PARD6G: variants seen among roughly 807,000 people sequenced by gnomAD.
The protein encoded by PARD6G is par-6 family cell polarity regulator gamma.
Under a neutral mutation model 10.7 loss-of-function variants are expected in PARD6G, and 7 were observed. That is an observed-to-expected ratio of 0.66 (90% CI 0.37 to 1.23). The LOEUF (loss-of-function observed/expected upper bound fraction) is 1.23. Among genes scored for constraint, PARD6G ranks in the 50% most tolerant of loss-of-function variants. The pLI, the probability that PARD6G is intolerant of heterozygous loss-of-function variation, is 0.02. For missense variants in PARD6G, 548 were observed against 571.8 expected, an observed-to-expected ratio of 0.96 and a Z score of 0.42; for synonymous variants, 287 against 269.4, an observed-to-expected ratio of 1.07 and a Z score of -0.64.
chr18:80,177,327 AGC>A (rs1422313949), intron 2 of PARD6G, among the ~76,000 whole-genome samples: 14 of 146,392 alleles, frequency 9.6e-5, no homozygotes, highest in African/African-American at 3.0e-4. Flanking sequence ...CCAAATGGGA[AGC>A]GCACACACAC....
At chr18:80,216,372 C>G (rs1319237685) in intron 1 of PARD6G, among the ~76,000 whole-genome samples, 2 of 152,126 alleles carry the variant, frequency 1.3e-5, no homozygotes, top group African/African-American at 2.4e-5. Flanking sequence ...TACTTAGGCC[C>G]TAAAACAAGT....
Position 80,182,973 on chromosome 18 carries a change from T to A in PARD6G, c.295+19737A>T. On this transcript the variant is annotated intron_variant, in intron 2 of 2. Coordinates refer to ENST00000353265, the MANE Select transcript of PARD6G (RefSeq NM_032510.4). This position sits in a 1 kb window ranked among gnomAD's most constrained non-coding sequence, Gnocchi z 4.5. ...CGCAGCCAGACGCCCCTCCCAGTCC[T>A]CCTTCGTCCTGACGTGGCTCCCAGT... 1.6e-6 allele frequency: 1 copy of A among 632,502 alleles called. No homozygotes were observed. The highest frequency in any genetic ancestry group is 1.8e-5 in the South Asian group (1 of 55,418). The allele number at this position is 632,502 out of a possible 1,614,324, so 39.2% of individuals were successfully genotyped here.
At position 80,161,436 on chromosome 18, in the gene PARD6G, A is replaced by G. The variant is rs571261966; in HGVS notation, c.296-830T>C. On this transcript the variant is annotated intron_variant, in intron 2 of 2. Coordinates refer to ENST00000353265, the MANE Select transcript of PARD6G (RefSeq NM_032510.4). The surrounding 1 kb of genome is among the most constrained non-coding windows in gnomAD (Gnocchi z 4.6). ...GTAAACTTTACCCTAAAGTTGGGCT[A>G]CTGCAAAATAAAATGAAAGTCCACT... 2.6e-5 allele frequency among the ~76,000 whole-genome samples: 4 copies of G among 152,246 alleles called. No individual in the cohort carries two copies. The highest frequency in any genetic ancestry group is 2.1e-4 in the South Asian group (1 of 4,826).
intron 2 of PARD6G, chr18:80,162,562 A>G (rs2052707663): frequency 5.9e-6 from 1 of 169,256 alleles, no homozygotes; most frequent in Admixed American, 6.5e-5. Flanking sequence ...TCTGCACCTC[A>G]TAGACACTGC....
At chr18:80,234,187 G>A (rs1452268710) in intron 1 of PARD6G, among the ~76,000 whole-genome samples, 3 of 152,116 alleles carry the variant, frequency 2.0e-5, no homozygotes, top group African/African-American at 4.8e-5. Flanking sequence ...CCAGCACAGC[G>A]ATGTCCTGGA....
rs543980983 is a variant in PARD6G at position 80,200,381 on chromosome 18, A to G, written c.295+2329T>C. On this transcript the variant is annotated intron_variant, in intron 2 of 2. Coordinates refer to ENST00000353265, the MANE Select transcript of PARD6G (RefSeq NM_032510.4). This position sits in a 1 kb window ranked among gnomAD's most constrained non-coding sequence, Gnocchi z 4.4. ...AGCGAGAGGCAGCTCTGATTTTCCC[A>G]AAGACAGGACCGAGGGGCCAGTGAA... is the stretch of plus-strand genomic sequence containing the variant. 6.6e-6 allele frequency among the ~76,000 whole-genome samples: 1 copy of G among 152,306 alleles called. No individual in the cohort carries two copies. Among genetic ancestry groups the G allele is most frequent in the Non-Finnish European group, 1.5e-5 (1 of 68,030 alleles).
chr18:80,240,813 G>A (rs1210065149), intron 1 of PARD6G, among the ~76,000 whole-genome samples: 1 of 152,144 alleles, frequency 6.6e-6, no homozygotes, highest in East Asian at 1.9e-4. Flanking sequence ...TGGATCTGGT[G>A]ATAGCTTGAT....
chr18:80,213,968 A>G (rs1967134066), intron 1 of PARD6G, among the ~76,000 whole-genome samples: 1 of 145,482 alleles, frequency 6.9e-6, no homozygotes, highest in African/African-American at 2.6e-5. Context: ...AAAAAAGTTC[A>G]GTTTTGAGCA....
Position 80,208,883 on chromosome 18 carries a change from A to G in PARD6G, c.73-5951T>C, listed in dbSNP as rs186069493. Among the ~76,000 whole-genome samples the G allele has an allele frequency of 2.2e-4, 34 of 152,258 alleles. 1 individual carries two copies. The East Asian group carries it at 6.4e-3, about 29-fold the overall frequency. ...TGTAATCTCAGCACTTTGGGAGGCCAAGGGAGAGTCCGAGACCAGTCTGGC... is the reference window on the plus strand; with the variant it reads ...TGTAATCTCAGCACTTTGGGAGGCCGAGGGAGAGTCCGAGACCAGTCTGGC... On this transcript the variant is annotated intron_variant, in intron 1 of 2. Coordinates refer to ENST00000353265, the MANE Select transcript of PARD6G (RefSeq NM_032510.4).
At position 80,158,207 on chromosome 18, in the gene PARD6G, T is replaced by A. The variant is rs950275817; in HGVS notation, c.*1564A>T. ...TCACTAAGTTCCACGTGACTTCTTA[T>A]AGTTAAAAGTGAGAACTGCCAGTGA... On this transcript the variant is annotated 3_prime_UTR_variant, in exon 3 of 3. Transcript: ENST00000353265. 4 of 152,242 alleles carry A rather than the reference T, an allele frequency of 2.6e-5. No homozygotes were observed. Among genetic ancestry groups the A allele is most frequent in the Non-Finnish European group, 5.9e-5 (4 of 68,040 alleles). The allele number at this position is 152,242 out of a possible 1,614,324, so 9.4% of individuals were successfully genotyped here. A position where few individuals can be genotyped will look rare whatever the true frequency, so the allele number is the denominator to read the frequency against.
intron 2 of PARD6G, among the ~76,000 whole-genome samples, chr18:80,177,333 CACACACACAT>C (rs1399670023): frequency 6.1e-5 from 9 of 147,942 alleles, no homozygotes; most frequent in East Asian, 2.0e-4. Flanking sequence ...GGGAAGCGCA[CACACACACAT>C]ACACACACAT....
chr18:80,211,015 T>C (rs1035811645), intron 1 of PARD6G, among the ~76,000 whole-genome samples: 2 of 152,098 alleles, frequency 1.3e-5, no homozygotes, highest in African/African-American at 4.8e-5. Flanking sequence ...AACTAGTTGA[T>C]TGAGTTTCTT....
rs1364006838 is a variant in PARD6G, at chr18:80,189,405, C to T, written c.295+13305G>A. 7 of 152,310 alleles carry T rather than the reference C, an allele frequency of 4.6e-5. No individual in the cohort carries two copies. Among genetic ancestry groups the T allele is most frequent in the Non-Finnish European group, 8.8e-5 (6 of 68,088 alleles). The allele number at this position is 152,310 out of a possible 1,614,324, so 9.4% of individuals were successfully genotyped here. A position where few individuals can be genotyped will look rare whatever the true frequency, so the allele number is the denominator to read the frequency against. The stretch of plus-strand genomic sequence containing the variant: ...CCACCGCAGCTGTGGGACCGTATCT[C>T]TGGATGATAAGCTGAGTCCAACACA... On this transcript the variant is annotated intron_variant, in intron 2 of 2. Coordinates refer to ENST00000353265, the MANE Select transcript of PARD6G (RefSeq NM_032510.4). This position sits in a 1 kb window ranked among gnomAD's most constrained non-coding sequence, Gnocchi z 5.5.
In PARD6G at chr18:80,189,962, AACC is replaced by A. The variant is rs1004434630; in HGVS notation, c.295+12745_295+12747del. 1.8e-4 allele frequency among the ~76,000 whole-genome samples: 27 copies of A among 152,128 alleles called. No individual in the cohort carries two copies. The highest frequency in any genetic ancestry group is 6.5e-4 in the African/African-American group (27 of 41,418). On this transcript the variant is annotated intron_variant, in intron 2 of 2. Transcript: ENST00000353265. This position sits in a 1 kb window ranked among gnomAD's most constrained non-coding sequence, Gnocchi z 5.5. ...TTTTTTAGTATATTCAGTGTTGTGTAACCACCACCACCACCTAATTCTGGAACA... is the reference window on the plus strand; with the variant it reads ...TTTTTTAGTATATTCAGTGTTGTGTAACCACCACCACCTAATTCTGGAACA...
In PARD6G at chr18:80,160,248, C is replaced by T. The variant is rs756436012; in HGVS notation, c.654G>A (p.Glu218=). Residue 218 remains glutamate, a synonymous_variant, in exon 3 of 3, where the codon GAG becomes GAA. Transcript: ENST00000353265. ...GLLAVNDEVL[E]VNGIEVAGKT... ...TCCCGGCCACCTCAATGCCGTTCAC[C>T]TCCAGGACCTCGTCATTCACAGCCA... The T allele has an allele frequency of 5.6e-6, 9 of 1,613,092 alleles. No individual in the cohort carries two copies. Among genetic ancestry groups the T allele is most frequent in the Non-Finnish European group, 7.6e-6 (9 of 1,179,886 alleles).
In PARD6G at chr18:80,228,766, C is replaced by T. The variant is rs1402295885; in HGVS notation, c.72+18511G>A. ...CCTGCCTCCCATCTAAGGCCCCCACCCCAGGCCTACAGGTGAGAACAGTGA... is the reference window on the plus strand; with the variant it reads ...CCTGCCTCCCATCTAAGGCCCCCACTCCAGGCCTACAGGTGAGAACAGTGA... On this transcript the variant is annotated intron_variant, in intron 1 of 2. Coordinates refer to ENST00000353265, the MANE Select transcript of PARD6G (RefSeq NM_032510.4). The surrounding 1 kb of genome is among the most constrained non-coding windows in gnomAD (Gnocchi z 4.6). Among the ~76,000 whole-genome samples, 1 of 152,180 alleles carries T rather than the reference C, an allele frequency of 6.6e-6. No homozygotes were observed. Among genetic ancestry groups the T allele is most frequent in the Non-Finnish European group, 1.5e-5 (1 of 68,042 alleles).
chr18:80,179,082 G>A (rs370356019), intron 2 of PARD6G, among the ~76,000 whole-genome samples: 1 of 152,104 alleles, frequency 6.6e-6, no homozygotes, highest in Non-Finnish European at 1.5e-5. Flanking sequence ...GTCACAAAGC[G>A]CCAGTGGGAA....
At chr18:80,173,227 C>T (rs921362191) in intron 2 of PARD6G, among the ~76,000 whole-genome samples, 15 of 152,136 alleles carry the variant, frequency 9.9e-5, no homozygotes, top group African/African-American at 2.7e-4. Context: ...CTAGGAAGCA[C>T]GTTGCTTGGG....
chr18:80,219,079 G>T (rs948152587), intron 1 of PARD6G, among the ~76,000 whole-genome samples: 2 of 152,250 alleles, frequency 1.3e-5, no homozygotes, highest in Non-Finnish European at 2.9e-5. Flanking sequence ...ATGACAGGGG[G>T]CTGCCGTGAA....
Sources: gnomAD v4.1 joint callset for allele counts (sites outside exome capture counted in the v4.1 genomes callset) on GRCh38, gnomAD v4.1.1 for gene constraint, Gnocchi (gnomAD v3.1) non-coding constraint, MANE v1.5 for transcripts, NCBI Gene and HGNC (gene_info 2026-07-23, HGNC 2026-07-21) for gene names.